SIK2: variants seen among roughly 807,000 people sequenced by gnomAD.
The protein encoded by SIK2 is salt inducible kinase 2, also known as serine/threonine-protein kinase SIK2.
SIK2 carries 29 observed loss-of-function variants against 103.2 expected under a neutral mutation model. The ratio of observed to expected loss-of-function variants is 0.28; its 90% CI spans 0.21 to 0.38. The LOEUF is 0.38. Among genes scored for constraint, SIK2 ranks in the 10% least tolerant of loss-of-function variants. SIK2 has a pLI of 1.00. For synonymous variants in SIK2, 412 were observed against 446.1 expected (o/e 0.92, Z 0.96); for missense variants, 879 against 1,171.0 (o/e 0.75, Z 3.64).
At chr11:111,698,689 C>A (rs1240202083) in intron 4 of SIK2, among the ~76,000 whole-genome samples, 1 of 152,136 alleles carries the variant, frequency 6.6e-6, no homozygotes, top group Non-Finnish European at 1.5e-5. Flanking sequence ...CTAGCCTGGG[C>A]AACAGAGCAA....
chr11:111,687,691 C>T (rs1446931781), intron 3 of SIK2, among the ~76,000 whole-genome samples: 1 of 150,600 alleles, frequency 6.6e-6, no homozygotes, highest in African/African-American at 2.4e-5. Flanking sequence ...CTGCAAGCTC[C>T]ACCTCCTGGG....
intron 9 of SIK2, 38 bp downstream of exon 9, chr11:111,712,413 G>A: frequency 1.3e-6 from 2 of 1,586,214 alleles, no homozygotes; most frequent in Non-Finnish European, 8.6e-7. Context: ...CTGGCAGTTT[G>A]GCGAGAGATT....
intron 1 of SIK2, among the ~76,000 whole-genome samples, chr11:111,606,843 A>G (rs1387285899): frequency 1.3e-5 from 2 of 151,984 alleles, no homozygotes; most frequent in South Asian, 2.1e-4. Context: ...GCCAGGCTAG[A>G]TGGCTGACAC....
intron 3 of SIK2, among the ~76,000 whole-genome samples, chr11:111,632,892 G>A (rs1228465322): frequency 1.3e-5 from 2 of 152,072 alleles, no homozygotes; most frequent in Admixed American, 1.3e-4. Context: ...GAATATAACT[G>A]TTCCTCTTAA....
intron 9 of SIK2, among the ~76,000 whole-genome samples, chr11:111,718,518 C>G (rs994344958): frequency 6.6e-6 from 1 of 152,212 alleles, no homozygotes; most frequent in Admixed American, 6.5e-5. Context: ...CCACCTTACC[C>G]GAGTGAGGGC....
intron 3 of SIK2, among the ~76,000 whole-genome samples, chr11:111,657,918 CAACT>C (rs904850213): frequency 6.6e-6 from 1 of 151,918 alleles, no homozygotes. Context: ...AAATGGGCTG[CAACT>C]ATACGTCATG....
At chr11:111,670,272 C>A (rs1462850912) in intron 3 of SIK2, among the ~76,000 whole-genome samples, 1 of 152,222 alleles carries the variant, frequency 6.6e-6, no homozygotes, top group South Asian at 2.1e-4. Flanking sequence ...CTGTCCCATT[C>A]ATGGCACAAG....
chr11:111,703,217 A>G lies in SIK2; in HGVS notation c.742A>G (p.Ile248Val), dbSNP rs201844240. The part of the protein sequence containing the change: ...YFMSEDCEHL[I>V]RRMLVLDPSK... ...GTTTTCTATAGATTGCGAGCACCTT[A>G]TCCGAAGGATGTTGGTCCTAGACCC... Residue 248 changes from isoleucine (I) to valine (V), a missense_variant, in exon 7 of 15, where the codon ATC (isoleucine) becomes GTC (valine). Coordinates refer to ENST00000304987, the MANE Select transcript of SIK2 (RefSeq NM_015191.3). 1.2e-5 allele frequency: 19 copies of G among 1,614,126 alleles called. 1 individual carries two copies. Among genetic ancestry groups the G allele is most frequent in the Admixed American group, 1.2e-4 (7 of 60,018 alleles).
chr11:111,706,244 A>G (rs958534852), intron 8 of SIK2, among the ~76,000 whole-genome samples: 55 of 152,382 alleles, frequency 3.6e-4, no homozygotes, highest in African/African-American at 1.2e-3. Context: ...TACTTGTTAT[A>G]TAAAGTAATA....
chr11:111,705,854 T>C lies in SIK2; in HGVS notation c.1101+715T>C, dbSNP rs1943332102. 6.6e-6 allele frequency among the ~76,000 whole-genome samples: 1 copy of C among 152,012 alleles called. No homozygotes were observed. The highest frequency in any genetic ancestry group is 1.5e-5 in the Non-Finnish European group (1 of 67,998). On this transcript the variant is annotated intron_variant, in intron 8 of 14. Coordinates refer to ENST00000304987, the MANE Select transcript of SIK2 (RefSeq NM_015191.3). The surrounding 1 kb of genome is among the most constrained non-coding windows in gnomAD (Gnocchi z 4.3). ...GGGTCAGATAGAGAAAAGAAGAAATTTGGAGAGAGCAGTTAGGAGAGTGTT... is the reference window on the plus strand; with the variant it reads ...GGGTCAGATAGAGAAAAGAAGAAATCTGGAGAGAGCAGTTAGGAGAGTGTT...
chr11:111,620,196 C>A, intron 2 of SIK2, 143 bp from the exon 3 acceptor site: 1 of 635,818 alleles, frequency 1.6e-6, no homozygotes. Flanking sequence ...AGGATATTGT[C>A]AGGCTTATGA....
At chr11:111,702,550 G>C (rs1406887646) in intron 6 of SIK2, among the ~76,000 whole-genome samples, 1 of 152,202 alleles carries the variant, frequency 6.6e-6, no homozygotes, top group Non-Finnish European at 1.5e-5. Flanking sequence ...TCCTGGGCAA[G>C]AGACTGAGAC....
At chr11:111,653,741 C>A (rs1000700302) in intron 3 of SIK2, among the ~76,000 whole-genome samples, 3 of 152,204 alleles carry the variant, frequency 2.0e-5, no homozygotes, top group South Asian at 4.1e-4. Flanking sequence ...TAGATTCCAT[C>A]CATTTTCAGT....
chr11:111,687,916 T>A, intron 3 of SIK2, 85 bp from the exon 4 acceptor site: 1 of 1,513,994 alleles, frequency 6.6e-7, no homozygotes, highest in African/African-American at 1.4e-5. Context: ...GAAAAAAAAC[T>A]TTTTGAGGAA....
intron 3 of SIK2, among the ~76,000 whole-genome samples, chr11:111,664,690 C>T (rs1183069941): frequency 8.9e-5 from 12 of 134,092 alleles, no homozygotes; most frequent in African/African-American, 3.3e-4. Flanking sequence ...CCCCCATCAC[C>T]ACCCCCCCCA....
chr11:111,635,335 C>A (rs1942092414), intron 3 of SIK2, among the ~76,000 whole-genome samples: 1 of 147,708 alleles, frequency 6.8e-6, no homozygotes, highest in Admixed American at 6.9e-5. Flanking sequence ...GATTTATGTG[C>A]TGGGGAAAAA....
intron 8 of SIK2, among the ~76,000 whole-genome samples, chr11:111,707,194 C>T (rs1222709539): frequency 1.3e-5 from 2 of 152,146 alleles, no homozygotes; most frequent in African/African-American, 4.8e-5. Context: ...TGGAAAGCCC[C>T]CAGGGCCAGC....
At chr11:111,682,563 G>T (rs1942790646) in intron 3 of SIK2, among the ~76,000 whole-genome samples, 1 of 152,052 alleles carries the variant, frequency 6.6e-6, no homozygotes, top group South Asian at 2.1e-4. Flanking sequence ...TTTTTTAAGA[G>T]ATACATAGAA....
At chr11:111,665,197 A>C (rs1565341151) in intron 3 of SIK2, among the ~76,000 whole-genome samples, 2 of 151,952 alleles carry the variant, frequency 1.3e-5, no homozygotes, top group Non-Finnish European at 2.9e-5. Context: ...GTAAGGCCAG[A>C]GTGGGTAGGA....
Sources: allele counts gnomAD v4.1 joint callset (sites outside exome capture counted in the v4.1 genomes callset), GRCh38; gene constraint gnomAD v4.1.1; non-coding constraint Gnocchi (gnomAD v3.1); transcripts MANE v1.5; gene names NCBI Gene and HGNC (gene_info 2026-07-23, HGNC 2026-07-21).